Variants in TMTC1 observed in about 807,000 individuals in gnomAD.
TMTC1 encodes transmembrane O-mannosyltransferase targeting cadherins 1, also known as protein O-mannosyl-transferase TMTC1.
A neutral mutation model predicts 104.8 loss-of-function variants in TMTC1; 73 were observed. The ratio of observed to expected loss-of-function variants is 0.70; its 90% CI spans 0.58 to 0.85. The LOEUF (loss-of-function observed/expected upper bound fraction) is 0.85, where lower values mean the gene tolerates loss of function less well. Ranked by LOEUF, TMTC1 falls within the 40% of genes least tolerant of loss-of-function variation. TMTC1 has a pLI of 0.00. For synonymous variants in TMTC1, 434 were observed against 428.7 expected (o/e 1.01, Z -0.15); for missense variants, 1,035 against 1,096.1 (o/e 0.94, Z 0.79).
intron 5 of TMTC1, among the ~76,000 whole-genome samples, chr12:29,646,214 C>T (rs1939261533): frequency 1.3e-5 from 2 of 152,178 alleles, no homozygotes; most frequent in African/African-American, 4.8e-5. Flanking sequence ...TTCATGTAGT[C>T]CTAGCAGGGT....
chr12:29,774,373 C>T (rs1274740103), intron 1 of TMTC1, among the ~76,000 whole-genome samples: 1 of 152,180 alleles, frequency 6.6e-6, no homozygotes, highest in Non-Finnish European at 1.5e-5. Flanking sequence ...GCTAGTATTG[C>T]CCAGCTTTCC....
chr12:29,506,918 C>A lies in TMTC1; in HGVS notation c.2577G>T (p.Leu859=). The A allele has an allele frequency of 1.9e-6, 3 of 1,614,124 alleles. No homozygotes were observed. Among genetic ancestry groups the A allele is most frequent in the East Asian group, 2.2e-5 (1 of 44,880 alleles). The change falls in exon 18 of 18, where the codon CTG becomes CTT. Residue 859 remains leucine, a synonymous_variant. Coordinates refer to ENST00000539277, the MANE Select transcript of TMTC1 (RefSeq NM_001193451.2). The stretch of plus-strand genomic sequence containing the variant: ...GATCCAATTTGGCAAGATTTTCCTT[C>A]AGCAGTTTGCTGTCTGGAACCAGCT... ...ALQLVPDSKL[L]KENLAKLDRL... is the part of the protein sequence containing the mutation.
rs142485366 is a variant in TMTC1, at chr12:29,680,864, G to A, written c.939-47528C>T. Among the ~76,000 whole-genome samples the A allele has an allele frequency of 7.0e-4, 106 of 152,200 alleles. No homozygotes were observed. In the East Asian group the frequency reaches 0.014, roughly 19 times the overall value. ...ACTGATCCCAGCACTTTGGGAGGCCGAGGTGGGTGGATCACTTGAGGCCAG... is the reference window on the plus strand; with the variant it reads ...ACTGATCCCAGCACTTTGGGAGGCCAAGGTGGGTGGATCACTTGAGGCCAG... On this transcript the variant is annotated intron_variant, in intron 5 of 17. Coordinates refer to ENST00000539277, the MANE Select transcript of TMTC1 (RefSeq NM_001193451.2).
rs141408347 is a variant in TMTC1, at chr12:29,772,969, T to C, written c.303-4894A>G. The stretch of plus-strand genomic sequence containing the variant: ...ATTAAGTTGCAATTGGAAAAGATCA[T>C]CTTTCCCTTTGACTTCAAGAATCTC... On this transcript the variant is annotated intron_variant, in intron 1 of 17. Transcript: ENST00000539277. Among the ~76,000 whole-genome samples, 236 of 152,336 alleles carry C rather than the reference T, an allele frequency of 1.5e-3. 1 individual carries two copies. Among genetic ancestry groups the C allele is most frequent in the African/African-American group, 5.5e-3 (229 of 41,584 alleles).
At chr12:29,663,083 C>T (rs1010462512) in intron 5 of TMTC1, among the ~76,000 whole-genome samples, 1 of 152,194 alleles carries the variant, frequency 6.6e-6, no homozygotes, top group Non-Finnish European at 1.5e-5. Context: ...GAAATTTACA[C>T]AAGATTTTGT....
At chr12:29,543,867 A>G (rs1166326163) in intron 10 of TMTC1, among the ~76,000 whole-genome samples, 3 of 152,212 alleles carry the variant, frequency 2.0e-5, no homozygotes, top group African/African-American at 7.2e-5. Context: ...GGTTCACCCT[A>G]ATTTTTCTGC....
chr12:29,637,573 G>C (rs746720748), intron 5 of TMTC1, among the ~76,000 whole-genome samples: 2 of 152,172 alleles, frequency 1.3e-5, no homozygotes, highest in Non-Finnish European at 2.9e-5. Context: ...GAAAGGGAAA[G>C]GCAAGCTGGA....
At chr12:29,766,221 T>C (rs536144122) in intron 2 of TMTC1, among the ~76,000 whole-genome samples, 1 of 152,324 alleles carries the variant, frequency 6.6e-6, no homozygotes, top group African/African-American at 2.4e-5. Context: ...CCAATCAAAA[T>C]ATATTTTTGT....
intron 8 of TMTC1, among the ~76,000 whole-genome samples, chr12:29,573,334 A>G (rs1231949928): frequency 1.3e-5 from 2 of 152,334 alleles, no homozygotes; most frequent in East Asian, 1.9e-4. Flanking sequence ...AAAAGGATCA[A>G]TTCCAGAAGT....
chr12:29,678,404 C>G (rs777501557), intron 5 of TMTC1, among the ~76,000 whole-genome samples: 4 of 152,152 alleles, frequency 2.6e-5, no homozygotes, highest in Non-Finnish European at 4.4e-5. Flanking sequence ...GGCAACAATT[C>G]CAGGTCTGGC....
chr12:29,702,956 G>A lies in TMTC1; in HGVS notation c.938+48710C>T, dbSNP rs561272349. 8.7e-4 allele frequency among the ~76,000 whole-genome samples: 132 copies of A among 152,150 alleles called. 2 individuals are homozygous for A. The highest frequency in any genetic ancestry group is 2.3e-3 in the Admixed American group (35 of 15,288). On this transcript the variant is annotated intron_variant, in intron 5 of 17. Coordinates refer to ENST00000539277, the MANE Select transcript of TMTC1 (RefSeq NM_001193451.2). ...GGTCAGGAGATCAAGACCAGACCGGGCAACATGGTGAAACTGCGTCTCTAC... is the reference window on the plus strand; with the variant it reads ...GGTCAGGAGATCAAGACCAGACCGGACAACATGGTGAAACTGCGTCTCTAC...
chr12:29,543,802 G>A (rs754298519), intron 10 of TMTC1, among the ~76,000 whole-genome samples: 14 of 152,098 alleles, frequency 9.2e-5, no homozygotes, highest in Non-Finnish European at 1.6e-4. Flanking sequence ...TTAGATTCAA[G>A]TTTACTGAGC....
At chr12:29,658,194 G>C (rs1939848196) in intron 5 of TMTC1, among the ~76,000 whole-genome samples, 1 of 151,902 alleles carries the variant, frequency 6.6e-6, no homozygotes, top group African/African-American at 2.4e-5. Context: ...CATAGATCAA[G>C]ATTTAAAATT....
intron 5 of TMTC1, among the ~76,000 whole-genome samples, chr12:29,646,131 T>C (rs1314685877): frequency 1.3e-5 from 2 of 152,180 alleles, no homozygotes; most frequent in African/African-American, 4.8e-5. Context: ...GAAATGCTGG[T>C]GTCTCATGGA....
At chr12:29,681,708 G>A (rs889182302) in intron 5 of TMTC1, among the ~76,000 whole-genome samples, 3 of 150,900 alleles carry the variant, frequency 2.0e-5, no homozygotes, top group Non-Finnish European at 4.4e-5. Context: ...CAAAAGAGGA[G>A]AAAGAGTGAG....
In TMTC1 at chr12:29,710,804, T is replaced by G. The variant is rs1347788147; in HGVS notation, c.938+40862A>C. On this transcript the variant is annotated intron_variant, in intron 5 of 17. Transcript: ENST00000539277. ...AATAAATATATTAATACATAATGTA[T>G]TTATATATAATATAATGTTTATATA... Among the ~76,000 whole-genome samples the G allele has an allele frequency of 1.3e-3, 78 of 60,644 alleles. No homozygotes were observed. The East Asian group carries it at 0.037, about 29-fold the overall frequency. The allele number at this position is 60,644 out of a possible 152,430, so 39.8% of individuals were successfully genotyped here.
intron 5 of TMTC1, among the ~76,000 whole-genome samples, chr12:29,744,016 T>C (rs1188414578): frequency 6.6e-6 from 1 of 152,164 alleles, no homozygotes; most frequent in East Asian, 1.9e-4. Flanking sequence ...TAGAAAGTCA[T>C]GAGACCCGAG....
chr12:29,663,399 C>T (rs904776649), intron 5 of TMTC1, among the ~76,000 whole-genome samples: 1 of 152,148 alleles, frequency 6.6e-6, no homozygotes, highest in Non-Finnish European at 1.5e-5. Flanking sequence ...CTTCTGGAAA[C>T]GTCCTTCCTC....
chr12:29,506,978 A>G lies in TMTC1; in HGVS notation c.2517T>C (p.Tyr839=), dbSNP rs1592141286. Residue 839 remains tyrosine (Y), a synonymous_variant, in exon 18 of 18, where the codon TAT becomes TAC. Coordinates refer to ENST00000539277, the MANE Select transcript of TMTC1 (RefSeq NM_001193451.2). The part of the protein sequence containing the change: ...MGGIQHIKGK[Y]VSARAYYERA... Reference sequence around the variant, plus strand: ...TCTCATAATAAGCTCTTGCAGACACATATTTTCCCTGGGGGTGGGAAAGAG... The same window carrying G: ...TCTCATAATAAGCTCTTGCAGACACGTATTTTCCCTGGGGGTGGGAAAGAG... 6.2e-7 allele frequency: 1 copy of G among 1,613,768 alleles called. No homozygotes were observed. Among genetic ancestry groups the G allele is most frequent in the South Asian group, 1.1e-5 (1 of 91,066 alleles).
Sources: allele counts gnomAD v4.1 joint callset (sites outside exome capture counted in the v4.1 genomes callset), GRCh38; gene constraint gnomAD v4.1.1; transcripts MANE v1.5; gene names NCBI Gene and HGNC (gene_info 2026-07-23, HGNC 2026-07-21).